Variants in SULT1C4 observed in about 807,000 individuals in gnomAD.
SULT1C4 encodes the protein sulfotransferase 1C4.
In SULT1C4, 32 loss-of-function variants were observed where a neutral mutation model predicts 34.8. The observed-to-expected ratio is 0.92, with a 90% CI of 0.69 to 1.23. The LOEUF (loss-of-function observed/expected upper bound fraction) is 1.23, where lower values mean the gene tolerates loss of function less well. Among genes scored for constraint, SULT1C4 ranks in the 50% most tolerant of loss-of-function variants. SULT1C4 has a pLI of 0.00. For missense variants in SULT1C4, 375 were observed against 365.9 expected (o/e 1.02, Z -0.20); for synonymous variants, 111 against 120.5 (o/e 0.92, Z 0.51).
Position 108,383,097 on chromosome 2 carries a change from T to C in SULT1C4, c.398T>C (p.Ile133Thr), listed in dbSNP as rs1433530376. Residue 133 changes from isoleucine (I) to threonine (T), a missense_variant, in exon 4 of 7, where the codon ATC (isoleucine) becomes ACC (threonine). By Grantham distance (89) the Ile-to-Thr change is moderately conservative (BLOSUM62 -1). Coordinates refer to ENST00000272452, the MANE Select transcript of SULT1C4 (RefSeq NM_006588.4). ...PSLLEKNCKI[I>T]YVARNPKDNM... The stretch of plus-strand genomic sequence containing the variant: ...CCCTCCCCTCATCATTCCCAGATAA[T>C]CTATGTAGCAAGAAATCCCAAGGAC... 6.3e-7 allele frequency: 1 copy of C among 1,584,114 alleles called. No individual in the cohort carries two copies.
chr2:108,378,573 A>G (rs1011779118), intron 1 of SULT1C4, 67 bp downstream of exon 1: 33 of 1,528,658 alleles, frequency 2.2e-5, no homozygotes, highest in Non-Finnish European at 2.7e-5. Flanking sequence ...AGTATGCATT[A>G]GTCATGAAAT....
intron 4 of SULT1C4, 82 bp downstream of exon 4, chr2:108,383,301 G>A: frequency 6.3e-7 from 1 of 1,590,866 alleles, no homozygotes; most frequent in South Asian, 1.1e-5. Context: ...CTTTTGACCA[G>A]CAGGGGCTCT....
intron 3 of SULT1C4, 192 bp downstream of exon 3, chr2:108,382,674 T>C: frequency 1.8e-6 from 1 of 552,752 alleles, no homozygotes. Flanking sequence ...GAGACTGAGA[T>C]GGGTGGATCA....
At chr2:108,381,063 C>T (rs979452842) in intron 1 of SULT1C4, among the ~76,000 whole-genome samples, 6 of 152,152 alleles carry the variant, frequency 3.9e-5, no homozygotes, top group Non-Finnish European at 5.9e-5. Flanking sequence ...GTGTCTCCTA[C>T]GCTATGCAAC....
Position 108,378,116 on chromosome 2 carries a change from G to C in SULT1C4, c.-222G>C. On this transcript the variant is annotated 5_prime_UTR_variant, in exon 1 of 7. Transcript: ENST00000272452. ...GGGGGCTGCAGTTCCTCAGGAAACT[G>C]CCAGTGGACAAAGTCATAAACAAGA... 1 of 368,280 alleles carries C rather than the reference G, an allele frequency of 2.7e-6. No individual in the cohort carries two copies. The highest frequency in any genetic ancestry group is 7.4e-4 in the Middle Eastern group (1 of 1,352). 22.8% of individuals were successfully genotyped at this position (368,280 alleles called of 1,614,324 possible). A position where few individuals can be genotyped will look rare whatever the true frequency, so the allele number is the denominator to read the frequency against.
chr2:108,378,246 G>C lies in SULT1C4; in HGVS notation c.-92G>C. The C allele has an allele frequency of 8.0e-7, 1 of 1,249,954 alleles. No homozygotes were observed. Among genetic ancestry groups the C allele is most frequent in the Non-Finnish European group, 1.1e-6 (1 of 881,656 alleles). The allele number at this position is 1,249,954 out of a possible 1,614,324, so 77.4% of individuals were successfully genotyped here. A position where few individuals can be genotyped will look rare whatever the true frequency, so the allele number is the denominator to read the frequency against. On this transcript the variant is annotated 5_prime_UTR_variant, in exon 1 of 7. Coordinates refer to ENST00000272452, the MANE Select transcript of SULT1C4 (RefSeq NM_006588.4). ...AGAGGGCTGGATAGTGTGGTAGTGTGGTGGATAGAGTGCTGCCTCTATCCA... is the reference window on the plus strand; with the variant it reads ...AGAGGGCTGGATAGTGTGGTAGTGTCGTGGATAGAGTGCTGCCTCTATCCA...
chr2:108,384,953 A>C (rs967507929), intron 5 of SULT1C4, among the ~76,000 whole-genome samples: 1 of 152,222 alleles, frequency 6.6e-6, no homozygotes, highest in African/African-American at 2.4e-5. Context: ...ATCACCATTT[A>C]GATGCACTTC....
rs567568361 is a variant in SULT1C4 at position 108,383,893 on chromosome 2, G to T, written c.615+383G>T. On this transcript the variant is annotated intron_variant, in intron 5 of 6. Coordinates refer to ENST00000272452, the MANE Select transcript of SULT1C4 (RefSeq NM_006588.4). Reference sequence around the variant, plus strand: ...TGTTTTTGTTTTTGAGACAGAGGAGGAGTTTCACTCTGTCGCCCAGACTAG... The same window carrying T: ...TGTTTTTGTTTTTGAGACAGAGGAGTAGTTTCACTCTGTCGCCCAGACTAG... 3.7e-3 allele frequency among the ~76,000 whole-genome samples: 568 copies of T among 151,752 alleles called. 1 individual carries two copies. Among genetic ancestry groups the T allele is most frequent in the Non-Finnish European group, 6.3e-3 (431 of 67,968 alleles).
chr2:108,378,608 G>A, intron 1 of SULT1C4, 102 bp downstream of exon 1: 1 of 1,341,840 alleles, frequency 7.5e-7, no homozygotes, highest in East Asian at 2.3e-5. Flanking sequence ...GGAAAACTCT[G>A]GACAGAGTGA....
chr2:108,381,930 CT>C, intron 2 of SULT1C4, 43 bp downstream of exon 2: 1 of 1,421,360 alleles, frequency 7.0e-7, no homozygotes, highest in Non-Finnish European at 9.2e-7. Context: ...CTAAAATGCA[CT>C]TAGGATTTTT....
rs778013766 is a variant in SULT1C4 at position 108,378,554 on chromosome 2, G to A, written c.169+48G>A. ...GAAGGGGAAGAGGAGAGTTAGGAAG[G>A]TAAGTGGAAGTATGCATTAGTCATG... is the stretch of plus-strand genomic sequence containing the variant. On this transcript the variant is annotated intron_variant, in intron 1 of 6. Transcript: ENST00000272452. The A allele has an allele frequency of 5.7e-6, 9 of 1,581,738 alleles. No individual in the cohort carries two copies. The African/African-American group carries it at 1.1e-4, about 19-fold the overall frequency.
chr2:108,380,268 C>T (rs1319022921), intron 1 of SULT1C4, among the ~76,000 whole-genome samples: 1 of 152,120 alleles, frequency 6.6e-6, no homozygotes. Context: ...AATCCCATCA[C>T]TTTGGGAGGC....
Position 108,387,795 on chromosome 2 carries a change from ATTTT to A in SULT1C4, c.*379_*382del, listed in dbSNP as rs57444248. The A allele has an allele frequency of 5.7e-5, 8 of 140,744 alleles. No individual in the cohort carries two copies. Among genetic ancestry groups the A allele is most frequent in the Admixed American group, 1.4e-4 (2 of 13,946 alleles). The allele number at this position is 140,744 out of a possible 1,614,324, so 8.7% of individuals were successfully genotyped here. A position where few individuals can be genotyped will look rare whatever the true frequency, so the allele number is the denominator to read the frequency against. ...TCAGATTAAGTTTTGGTTCAAGTTA[ATTTT>A]TTTTTTTTTTTTTTTGAGACGGAGT... On this transcript the variant is annotated 3_prime_UTR_variant, in exon 7 of 7. Coordinates refer to ENST00000272452, the MANE Select transcript of SULT1C4 (RefSeq NM_006588.4).
chr2:108,383,875 G>GT (rs11372273), intron 5 of SULT1C4, among the ~76,000 whole-genome samples: 2 of 148,180 alleles, frequency 1.3e-5, no homozygotes, highest in African/African-American at 5.1e-5. Flanking sequence ...TTTTGTTTTT[G>GT]TTTTTGAGAC....
In SULT1C4 at chr2:108,383,435, T is replaced by A; in HGVS notation, c.540T>A (p.His180Gln). Reference sequence around the variant, plus strand: ...CTCCAGTGTGCTGGGGCTCCTGGCATGAACATGTGAAAGGATGGTGGGAAG... The same window carrying A: ...CTCCAGTGTGCTGGGGCTCCTGGCAAGAACATGTGAAAGGATGGTGGGAAG... Reference protein sequence around the residue: ...LAGKVCWGSWHEHVKGWWEAK... With the variant: ...LAGKVCWGSWQEHVKGWWEAK... The change falls in exon 5 of 7, where the codon CAT becomes CAA. Residue 180 changes from histidine to glutamine, a missense_variant. His to Gln is a conservative substitution (Grantham distance 24). Transcript: ENST00000272452. 6.2e-7 allele frequency: 1 copy of A among 1,614,206 alleles called. No individual in the cohort carries two copies. Among genetic ancestry groups the A allele is most frequent in the African/African-American group, 1.3e-5 (1 of 75,072 alleles).
At chr2:108,385,036 A>G (rs1678533516) in intron 5 of SULT1C4, among the ~76,000 whole-genome samples, 2 of 152,244 alleles carry the variant, frequency 1.3e-5, no homozygotes, top group Non-Finnish European at 1.5e-5. Context: ...TGGAAAACAC[A>G]GACTATTTTC....
intron 5 of SULT1C4, among the ~76,000 whole-genome samples, chr2:108,385,056 T>G (rs1042925835): frequency 6.6e-6 from 1 of 152,228 alleles, no homozygotes; most frequent in Admixed American, 6.5e-5. Context: ...CATGTGGTTT[T>G]TAAAATAATT....
intron 2 of SULT1C4, chr2:108,382,160 T>A (rs1241337692): frequency 3.5e-6 from 2 of 569,852 alleles, no homozygotes; most frequent in Non-Finnish European, 6.0e-6. Context: ...GGTGAAAGGG[T>A]TTGAATTTTT....
intron 3 of SULT1C4, 103 bp downstream of exon 3, chr2:108,382,585 C>T: frequency 1.2e-6 from 1 of 852,952 alleles, no homozygotes; most frequent in Non-Finnish European, 1.9e-6. Flanking sequence ...ATATATACCT[C>T]TTCACAATAA....
Sources: gnomAD v4.1 joint callset for allele counts (sites outside exome capture counted in the v4.1 genomes callset) on GRCh38, gnomAD v4.1.1 for gene constraint, MANE v1.5 for transcripts, NCBI Gene and HGNC (gene_info 2026-07-23, HGNC 2026-07-21) for gene names.